FAM13A: variants seen among roughly 807,000 people sequenced by gnomAD.
FAM13A encodes protein FAM13A.
A neutral mutation model predicts 129.6 loss-of-function variants in FAM13A; 76 were observed. The ratio of observed to expected loss-of-function variants is 0.59; its 90% CI spans 0.49 to 0.71. FAM13A has a LOEUF of 0.71. Ranked by LOEUF, FAM13A falls within the 30% of genes least tolerant of loss-of-function variation. The pLI is 0.00. For missense variants in FAM13A, 1,108 were observed against 1,249.3 expected (o/e 0.89, Z 1.70); for synonymous variants, 443 against 449.9 (o/e 0.98, Z 0.20).
At chr4:89,043,075 A>G (rs1309764496) in intron 1 of FAM13A, among the ~76,000 whole-genome samples, 2 of 152,236 alleles carry the variant, frequency 1.3e-5, no homozygotes, top group Admixed American at 6.5e-5. Context: ...GGCAGACATC[A>G]TATCAGCACT....
chr4:88,749,693 C>T (rs1360839439), intron 16 of FAM13A, 78 bp downstream of exon 16: 15 of 1,489,680 alleles, frequency 1.0e-5, no homozygotes, highest in Middle Eastern at 1.8e-4. Context: ...AACCTTTCGT[C>T]GTTTCTTTGA....
At chr4:88,796,222 T>G (rs1411391394) in intron 8 of FAM13A, among the ~76,000 whole-genome samples, 1 of 151,898 alleles carries the variant, frequency 6.6e-6, no homozygotes, top group Non-Finnish European at 1.5e-5. Flanking sequence ...CTTAACAGTA[T>G]GCACTTGAGA....
At chr4:88,787,233 A>C (rs1724150395) in intron 10 of FAM13A, among the ~76,000 whole-genome samples, 1 of 152,162 alleles carries the variant, frequency 6.6e-6, no homozygotes, top group Non-Finnish European at 1.5e-5. Context: ...TATAATAAAC[A>C]ACTTAAGCTT....
chr4:89,004,037 G>T (rs2149063408), intron 3 of FAM13A, among the ~76,000 whole-genome samples: 1 of 152,238 alleles, frequency 6.6e-6, no homozygotes, highest in African/African-American at 2.4e-5. Context: ...TGTTCAGGCT[G>T]GTCTCAAACT....
At chr4:88,945,990 G>GTGTGTGTATATATATATATATATA in intron 4 of FAM13A, among the ~76,000 whole-genome samples, 16 of 61,930 alleles carry the variant, frequency 2.6e-4, no homozygotes, top group Non-Finnish European at 3.7e-4. Flanking sequence ...GTGTGTGTGT[G>GTGTGTGTATATATATATATATATA]TATATATATA....
intron 5 of FAM13A, among the ~76,000 whole-genome samples, chr4:88,926,091 C>T (rs1752106839): frequency 1.3e-5 from 2 of 152,086 alleles, no homozygotes; most frequent in African/African-American, 4.8e-5. Context: ...TAAGCTCCCA[C>T]AGTGGTTCTG....
intron 3 of FAM13A, among the ~76,000 whole-genome samples, chr4:89,017,095 T>C (rs1214721643): frequency 3.9e-5 from 6 of 152,208 alleles, no homozygotes; most frequent in Non-Finnish European, 8.8e-5. Context: ...CTATACAATC[T>C]AGGCTTGTGT....
chr4:89,036,052 C>T (rs1181886803), intron 1 of FAM13A, among the ~76,000 whole-genome samples: 1 of 152,112 alleles, frequency 6.6e-6, no homozygotes, highest in Non-Finnish European at 1.5e-5. Context: ...TATAAAGATA[C>T]CTCAAAATGT....
intron 4 of FAM13A, among the ~76,000 whole-genome samples, chr4:88,957,077 G>A (rs142042252): frequency 1.3e-5 from 2 of 152,290 alleles, no homozygotes; most frequent in East Asian, 1.9e-4. Flanking sequence ...TGTAATCCCA[G>A]AACTTTGAAA....
intron 4 of FAM13A, among the ~76,000 whole-genome samples, chr4:88,949,614 A>C (rs1363576807): frequency 2.0e-5 from 3 of 152,224 alleles, no homozygotes; most frequent in Non-Finnish European, 4.4e-5. Flanking sequence ...ATAAACAAAA[A>C]GCTGGAAGAT....
intron 3 of FAM13A, among the ~76,000 whole-genome samples, chr4:89,015,891 C>G (rs1040438958): frequency 1.3e-5 from 2 of 151,896 alleles, no homozygotes; most frequent in Admixed American, 1.3e-4. Context: ...CTATAACAGA[C>G]TTAGATACAC....
chr4:89,008,344 T>C (rs1160483425), intron 3 of FAM13A, among the ~76,000 whole-genome samples: 1 of 152,164 alleles, frequency 6.6e-6, no homozygotes, highest in Admixed American at 6.5e-5. Context: ...CTGGTGTCCC[T>C]ATAAGAAGAG....
chr4:88,917,761 C>T (rs1443501042), intron 5 of FAM13A, among the ~76,000 whole-genome samples: 3 of 152,110 alleles, frequency 2.0e-5, no homozygotes, highest in Non-Finnish European at 4.4e-5. Context: ...TTTCCACATC[C>T]AACACTCATT....
chr4:88,986,297 C>G (rs909529407), intron 4 of FAM13A, among the ~76,000 whole-genome samples: 1 of 152,130 alleles, frequency 6.6e-6, no homozygotes, highest in African/African-American at 2.4e-5. Flanking sequence ...CCACACCTGG[C>G]TAATTTTTGT....
At chr4:88,998,838 A>T (rs1258058651) in intron 3 of FAM13A, among the ~76,000 whole-genome samples, 2 of 152,186 alleles carry the variant, frequency 1.3e-5, no homozygotes, top group African/African-American at 4.8e-5. Flanking sequence ...TATATAGGCA[A>T]CAGAATTTCA....
At position 88,953,756 on chromosome 4, in the gene FAM13A, A is replaced by G. The variant is rs1216111485; in HGVS notation, c.606-15515T>C. Among the ~76,000 whole-genome samples, 3 of 152,200 alleles carry G rather than the reference A, an allele frequency of 2.0e-5. No individual in the cohort carries two copies. The East Asian group carries it at 5.8e-4, about 29-fold the overall frequency. Reference sequence around the variant, plus strand: ...CTTTTTTGACTGGTTTATTTCACTGAGCATAACATCCCAAGGCTCATCCAT... The same window carrying G: ...CTTTTTTGACTGGTTTATTTCACTGGGCATAACATCCCAAGGCTCATCCAT... On this transcript the variant is annotated intron_variant, in intron 4 of 23. Transcript: ENST00000264344.
chr4:88,876,471 C>T (rs186649183), intron 6 of FAM13A, among the ~76,000 whole-genome samples: 36 of 152,248 alleles, frequency 2.4e-4, no homozygotes, highest in Middle Eastern at 3.4e-3. Flanking sequence ...ATCAGACTAA[C>T]ATAATAATAA....
At chr4:88,925,615 G>A (rs1232658007) in intron 5 of FAM13A, among the ~76,000 whole-genome samples, 1 of 151,696 alleles carries the variant, frequency 6.6e-6, no homozygotes, top group East Asian at 1.9e-4. Flanking sequence ...AATGGGTGCA[G>A]CACACCAGCA....
intron 7 of FAM13A, among the ~76,000 whole-genome samples, chr4:88,843,163 G>A (rs1485000915): frequency 6.6e-6 from 1 of 152,150 alleles, no homozygotes; most frequent in African/African-American, 2.4e-5. Flanking sequence ...CCCTTTTCGA[G>A]TCTACCTTTC....
Sources: allele counts gnomAD v4.1 joint callset (sites outside exome capture counted in the v4.1 genomes callset), GRCh38; gene constraint gnomAD v4.1.1; transcripts MANE v1.5; gene names NCBI Gene and HGNC (gene_info 2026-07-23, HGNC 2026-07-21).